Variants in ZFAND4 observed in about 807,000 individuals in gnomAD.
ZFAND4 encodes AN1-type zinc finger protein 4.
A neutral mutation model predicts 64.4 loss-of-function variants in ZFAND4; 43 were observed. That is an observed-to-expected ratio of 0.67 (90% CI 0.52 to 0.86). The LOEUF is 0.86. ZFAND4 is among the 40% of genes least tolerant of loss of function. ZFAND4 has a pLI of 0.00. For synonymous variants in ZFAND4, 296 were observed against 305.7 expected (o/e 0.97, Z 0.33); for missense variants, 929 against 859.8 (o/e 1.08, Z -1.01).
chr10:45,639,441 T>G (rs764034229), intron 6 of ZFAND4, among the ~76,000 whole-genome samples: 3 of 152,162 alleles, frequency 2.0e-5, no homozygotes, highest in Admixed American at 6.5e-5. Flanking sequence ...TTGTAAAGAA[T>G]GTAAATTGGT....
intron 5 of ZFAND4, among the ~76,000 whole-genome samples, chr10:45,643,667 C>T (rs1006219796): frequency 2.7e-5 from 3 of 110,058 alleles, no homozygotes; most frequent in Non-Finnish European, 5.2e-5. Context: ...AAGACTCCAT[C>T]TCAAAAAAAA....
At position 45,639,833 on chromosome 10, in the gene ZFAND4, T is replaced by C; in HGVS notation, c.700A>G (p.Met234Val). 6.2e-7 allele frequency: 1 copy of C among 1,611,420 alleles called. No individual in the cohort carries two copies. Among genetic ancestry groups the C allele is most frequent in the African/African-American group, 1.3e-5 (1 of 74,852 alleles). Residue 234 changes from methionine to valine, a missense_variant, in exon 6 of 10, where the codon ATG (methionine) becomes GTG (valine). Transcript: ENST00000344646. ...MKLLKAKMKN[M>V]NLSKKPKKAV... ...AGCTTCACCTTTTTGCTGAGATTCA[T>C]GTTCTTCATCTTAGCCTTCAGCAGC...
intron 5 of ZFAND4, among the ~76,000 whole-genome samples, chr10:45,643,479 G>GCT (rs1368912975): frequency 6.6e-6 from 1 of 151,162 alleles, no homozygotes; most frequent in Non-Finnish European, 1.5e-5. Context: ...GACCATCCTG[G>GCT]CTAACACGGT....
intron 5 of ZFAND4, among the ~76,000 whole-genome samples, chr10:45,640,599 T>A (rs1370293127): frequency 6.6e-6 from 1 of 152,126 alleles, no homozygotes; most frequent in Non-Finnish European, 1.5e-5. Context: ...CAAGCGATTC[T>A]CCTGCCTCAG....
Position 45,626,776 on chromosome 10 carries a change from G to A in ZFAND4, c.1047C>T (p.Asp349=), listed in dbSNP as rs775071864. The A allele has an allele frequency of 1.4e-5, 23 of 1,614,078 alleles. No individual in the cohort carries two copies. The highest frequency in any genetic ancestry group is 3.3e-5 in the Admixed American group (2 of 60,002). ...GGAGAACAGAGTCAGCAAGCTCCTG[G>A]TCATTTCCCAACTCCAAATGGGGTA... The part of the protein sequence containing the change: ...PQIPHLELGN[D]QELADSVLHL... Residue 349 remains aspartate (D), a synonymous_variant, in exon 7 of 10, where the codon GAC becomes GAT. Coordinates refer to ENST00000344646, the MANE Select transcript of ZFAND4 (RefSeq NM_174890.4).
chr10:45,662,930 C>T (rs954929760), intron 2 of ZFAND4, among the ~76,000 whole-genome samples: 2 of 152,094 alleles, frequency 1.3e-5, no homozygotes, highest in Non-Finnish European at 2.9e-5. Flanking sequence ...GCAAACATTA[C>T]TTATTGCAGA....
chr10:45,627,089 T>G lies in ZFAND4; in HGVS notation c.734A>C (p.Lys245Thr). ...NLSKKPKKAV[K>T]IKPHPPVAPR... ...AGCTACAGGTGGGTGAGGTTTTATC[T>G]TGACAGCTTTCTTAGGCTAAAAGGA... is the stretch of plus-strand genomic sequence containing the variant. Residue 245 changes from lysine (K) to threonine (T), a missense_variant, in exon 7 of 10, where the codon AAG becomes ACG. Physicochemically the swap from Lys to Thr is moderately conservative, Grantham distance 78. Transcript: ENST00000344646. The G allele has an allele frequency of 1.3e-6, 2 of 1,539,888 alleles. No homozygotes were observed. The highest frequency in any genetic ancestry group is 8.7e-7 in the Non-Finnish European group (1 of 1,145,354).
intron 2 of ZFAND4, among the ~76,000 whole-genome samples, chr10:45,658,063 T>A (rs2048248479): frequency 6.6e-6 from 1 of 152,218 alleles, no homozygotes; most frequent in Admixed American, 6.5e-5. Flanking sequence ...ATACTTGTTA[T>A]GATATACTGT....
At chr10:45,629,717 G>A (rs1280902791) in intron 6 of ZFAND4, among the ~76,000 whole-genome samples, 2 of 152,036 alleles carry the variant, frequency 1.3e-5, no homozygotes, top group African/African-American at 4.8e-5. Flanking sequence ...AAAAAAATTA[G>A]CTGGGCATGG....
chr10:45,653,045 G>A lies in ZFAND4; in HGVS notation c.199C>T (p.Arg67Ter), dbSNP rs201496199. 33 of 1,609,272 alleles carry A rather than the reference G, an allele frequency of 2.1e-5. No homozygotes were observed. The highest frequency in any genetic ancestry group is 4.5e-5 in the East Asian group (2 of 44,592). Residue 67 changes from arginine (R) to a stop codon, truncating the protein, a stop_gained, in exon 3 of 10, where the codon CGA becomes TGA. Coordinates refer to ENST00000344646, the MANE Select transcript of ZFAND4 (RefSeq NM_174890.4). LOFTEE classifies it high-confidence loss of function. ...IRRLEGIPIC[R>*]QHLIWNNMEL... is the part of the protein sequence containing the mutation. ...ATGTTATTCCAAATTAAGTGTTGTC[G>A]ACAGATGGGAATACCTTAAGGGAAA...
At chr10:45,627,301 T>C (rs920227120) in intron 6 of ZFAND4, among the ~76,000 whole-genome samples, 196 bp from the exon 7 acceptor site, 2 of 152,182 alleles carry the variant, frequency 1.3e-5, no homozygotes, top group Admixed American at 6.5e-5. Context: ...TATACTTTTC[T>C]GGGAATATTA....
At chr10:45,642,556 C>T (rs575268300) in intron 5 of ZFAND4, among the ~76,000 whole-genome samples, 3 of 145,608 alleles carry the variant, frequency 2.1e-5, no homozygotes, top group East Asian at 2.0e-4. Flanking sequence ...GCAAGTGAGC[C>T]GAGATCACAC....
rs1362163255 is a variant in ZFAND4 at position 45,624,619 on chromosome 10, T to C, written c.1891A>G (p.Met631Val). The C allele has an allele frequency of 6.2e-7, 1 of 1,613,962 alleles. No individual in the cohort carries two copies. Among genetic ancestry groups the C allele is most frequent in the Admixed American group, 1.7e-5 (1 of 60,028 alleles). Residue 631 changes from methionine (M) to valine (V), a missense_variant, in exon 8 of 10, where the codon ATG becomes GTG. Physicochemically the swap from Met to Val is conservative, Grantham distance 21. Coordinates refer to ENST00000344646, the MANE Select transcript of ZFAND4 (RefSeq NM_174890.4). The stretch of plus-strand genomic sequence containing the variant: ...CCTGCTGCTGCATTATTTCCATTCA[T>C]TCCAACACCATGGGTAGACTACAAT... ...GVFLSTHGVG[M>V]NGNNAAAGKS... is the part of the protein sequence containing the mutation.
chr10:45,646,512 A>G (rs1042754892), intron 5 of ZFAND4, among the ~76,000 whole-genome samples: 3 of 152,258 alleles, frequency 2.0e-5, no homozygotes, highest in Non-Finnish European at 4.4e-5. Context: ...GTGATGAACA[A>G]CAAGACAGTT....
rs1440747896 is a variant in ZFAND4 at position 45,652,000 on chromosome 10, C to T, written c.294G>A (p.Leu98=). 1 of 1,613,742 alleles carries T rather than the reference C, an allele frequency of 6.2e-7. No individual in the cohort carries two copies. The highest frequency in any genetic ancestry group is 1.7e-5 in the Admixed American group (1 of 60,010). The change falls in exon 4 of 10, where the codon TTG becomes TTA. Residue 98 remains leucine (L), a synonymous_variant. Transcript: ENST00000344646. ...ISEGCTLKLV[L]AMRGGPINTR... ...TATTTATAGGTCCGCCACGCATAGC[C>T]AAAACTAGCTTCAAGGTACACCCTT...
Position 45,624,625 on chromosome 10 carries a change from C to T in ZFAND4, c.1885G>A (p.Val629Ile), listed in dbSNP as rs750843417. ...HTGVFLSTHG[V>I]GMNGNNAAAG... is the part of the protein sequence containing the mutation. ...GCTGCATTATTTCCATTCATTCCAA[C>T]ACCATGGGTAGACTACAATTAAAAC... The change falls in exon 8 of 10, where the codon GTT (valine) becomes ATT (isoleucine). Residue 629 changes from valine (V) to isoleucine (I), a missense_variant. Transcript: ENST00000344646. 5.0e-6 allele frequency: 8 copies of T among 1,613,800 alleles called. No homozygotes were observed. The highest frequency in any genetic ancestry group is 1.3e-5 in the African/African-American group (1 of 75,032).
At chr10:45,616,718 G>C (rs185827347) in intron 9 of ZFAND4, 147 bp from the exon 10 acceptor site, 1 of 705,588 alleles carries the variant, frequency 1.4e-6, no homozygotes, top group Non-Finnish European at 2.4e-6. Flanking sequence ...CCTTCCATTC[G>C]TAAACAAGCA....
At chr10:45,664,152 A>G (rs2133859149) in intron 1 of ZFAND4, among the ~76,000 whole-genome samples, 1 of 152,348 alleles carries the variant, frequency 6.6e-6, no homozygotes, top group East Asian at 1.9e-4. Flanking sequence ...AGCCAAACTC[A>G]ACAAACACAT....
chr10:45,635,195 CAAAAAAAA>C (rs1173808756), intron 6 of ZFAND4, among the ~76,000 whole-genome samples: 2 of 27,628 alleles, frequency 7.2e-5, no homozygotes, highest in South Asian at 4.0e-3. Flanking sequence ...GCCATCTAAG[CAAAAAAAA>C]AAAAAAAAAA....
Sources: allele counts gnomAD v4.1 joint callset (sites outside exome capture counted in the v4.1 genomes callset), GRCh38; gene constraint gnomAD v4.1.1; transcripts MANE v1.5; gene names NCBI Gene and HGNC (gene_info 2026-07-23, HGNC 2026-07-21).